Variants in ROBO2 observed in about 807,000 individuals in gnomAD.
ROBO2 encodes the protein roundabout homolog 2.
Under a neutral mutation model 160.8 loss-of-function variants are expected in ROBO2, and 53 were observed. The observed-to-expected ratio is 0.33, with a 90% confidence interval of 0.26 to 0.41. The LOEUF (loss-of-function observed/expected upper bound fraction) is 0.41. ROBO2 is among the 10% of genes least tolerant of loss of function. The pLI is 1.00. For missense variants in ROBO2, 1,577 were observed against 1,722.4 expected, an observed-to-expected ratio of 0.92 and a Z score of 1.49; for synonymous variants, 664 against 611.7, an observed-to-expected ratio of 1.09 and a Z score of -1.26.
chr3:77,410,368 A>G, intron 2 of ROBO2, among the ~76,000 whole-genome samples: 1 of 152,088 alleles, frequency 6.6e-6, no homozygotes, highest in East Asian at 1.9e-4. Flanking sequence ...ATCTATAGCT[A>G]ATTTTCTTCG....
chr3:77,625,598 G>C (rs1390572280), intron 23 of ROBO2, among the ~76,000 whole-genome samples: 1 of 152,082 alleles, frequency 6.6e-6, no homozygotes, highest in African/African-American at 2.4e-5. Flanking sequence ...AGAGGGTCTT[G>C]ATCTCTTGAC....
At chr3:77,036,873 T>C (rs1251517363), upstream of ROBO2, among the ~76,000 whole-genome samples, 1 of 151,978 alleles carries the variant, frequency 6.6e-6, no homozygotes, top group Admixed American at 6.5e-5. Context: ...ATTTTTTTTT[T>C]TTTTTGCTAA....
intron 2 of ROBO2, among the ~76,000 whole-genome samples, chr3:76,765,456 C>G (rs1398230753): frequency 1.3e-5 from 2 of 151,554 alleles, no homozygotes; most frequent in Non-Finnish European, 3.0e-5. Context: ...GATGTCTCCT[C>G]CCATTGAATC....
intron 2 of ROBO2, among the ~76,000 whole-genome samples, chr3:76,451,265 G>C (rs941916780): frequency 6.6e-6 from 1 of 152,172 alleles, no homozygotes; most frequent in Non-Finnish European, 1.5e-5. Flanking sequence ...ATTGGTAAAT[G>C]CTAGCAATGC....
At chr3:77,050,749 C>T (rs1055938613) in intron 1 of ROBO2, among the ~76,000 whole-genome samples, 1 of 150,714 alleles carries the variant, frequency 6.6e-6, no homozygotes, top group African/African-American at 2.4e-5. Context: ...CAGCGTGGCT[C>T]ATGCCTGTAA....
intron 2 of ROBO2, among the ~76,000 whole-genome samples, chr3:76,129,536 T>A (rs2071140350): frequency 6.6e-6 from 1 of 152,138 alleles, no homozygotes; most frequent in Non-Finnish European, 1.5e-5. Context: ...CATATGTAAC[T>A]CTACACTTAG....
chr3:76,056,190 C>T (rs1024397946), intron 2 of ROBO2, among the ~76,000 whole-genome samples: 9 of 151,998 alleles, frequency 5.9e-5, no homozygotes, highest in African/African-American at 1.2e-4. Flanking sequence ...TTAAAGTATA[C>T]GGGAGGATGC....
At chr3:76,937,024 T>C (rs1295512365) in intron 2 of ROBO2, among the ~76,000 whole-genome samples, 1 of 119,080 alleles carries the variant, frequency 8.4e-6, no homozygotes, top group African/African-American at 3.2e-5. Context: ...GTACTCATTA[T>C]TGACCTACCC....
Position 77,083,495 on chromosome 3 carries a change from C to T in ROBO2, c.62-14519C>T, listed in dbSNP as rs566384692. On this transcript the variant is annotated intron_variant, in intron 1 of 25. Transcript: ENST00000461745. ...AGCAATCACTAACTGTTCCAAAATC[C>T]GTTTGCATTTTTTCTAGGAATGGAG... Among the ~76,000 whole-genome samples the T allele has an allele frequency of 3.9e-5, 6 of 152,104 alleles. No homozygotes were observed. The South Asian group carries it at 6.2e-4, about 16-fold the overall frequency.
chr3:75,979,346 T>C (rs966836767), intron 2 of ROBO2, among the ~76,000 whole-genome samples: 3 of 151,572 alleles, frequency 2.0e-5, no homozygotes, highest in African/African-American at 7.3e-5. Context: ...CTTGCTTATT[T>C]AATTGTATAC....
intron 12 of ROBO2, among the ~76,000 whole-genome samples, chr3:77,567,764 T>C (rs1343139704): frequency 6.6e-6 from 1 of 152,064 alleles, no homozygotes; most frequent in Non-Finnish European, 1.5e-5. Flanking sequence ...CTATTTACCT[T>C]TAATGACAGA....
At position 76,530,234 on chromosome 3, in the gene ROBO2, C is replaced by T. The variant is rs1205574104; in HGVS notation, c.110-567780C>T. Among the ~76,000 whole-genome samples, 5 of 152,280 alleles carry T rather than the reference C, an allele frequency of 3.3e-5. No homozygotes were observed. In the East Asian group the frequency reaches 5.8e-4, roughly 18 times the overall value. Reference sequence around the variant, plus strand: ...TTCTTTAAAGATGTAGGATTTCTTACAAAGTAATTTCCCCCTGGACTCCCA... The same window carrying T: ...TTCTTTAAAGATGTAGGATTTCTTATAAAGTAATTTCCCCCTGGACTCCCA... On this transcript the variant is annotated intron_variant, in intron 2 of 26. Coordinates refer to the ROBO2 transcript ENST00000487694.
rs79639953 is a variant in ROBO2 at position 76,423,022 on chromosome 3, A to G, written c.109+485420A>G. On this transcript the variant is annotated intron_variant, in intron 2 of 26. Coordinates refer to the ROBO2 transcript ENST00000487694. ...GGTAAGAGTCTTGCCCATATAGGAGAGGAGTTTGTCCTTTGAAAGGGGCCC... is the reference window on the plus strand; with the variant it reads ...GGTAAGAGTCTTGCCCATATAGGAGGGGAGTTTGTCCTTTGAAAGGGGCCC... Among the ~76,000 whole-genome samples, 365 of 152,222 alleles carry G rather than the reference A, an allele frequency of 2.4e-3. 2 individuals are homozygous for G. The highest frequency in any genetic ancestry group is 8.4e-3 in the African/African-American group (348 of 41,520).
chr3:77,314,186 C>G (rs2063776584), intron 2 of ROBO2, among the ~76,000 whole-genome samples: 1 of 152,132 alleles, frequency 6.6e-6, no homozygotes, highest in African/African-American at 2.4e-5. Context: ...AGTCAGAAGG[C>G]AATCTAGCTA....
intron 2 of ROBO2, among the ~76,000 whole-genome samples, chr3:77,323,914 G>A (rs1004168968): frequency 6.6e-6 from 1 of 152,114 alleles, no homozygotes; most frequent in African/African-American, 2.4e-5. Context: ...GTTTTTCTGA[G>A]TACTTTTTTT....
chr3:77,211,269 A>T (rs1183226583), intron 2 of ROBO2, among the ~76,000 whole-genome samples: 1 of 152,126 alleles, frequency 6.6e-6, no homozygotes, highest in East Asian at 1.9e-4. Context: ...TGACTTTTTA[A>T]TGATCACCAT....
At chr3:76,835,215 G>T (rs370430253) in intron 2 of ROBO2, among the ~76,000 whole-genome samples, 1 of 151,328 alleles carries the variant, frequency 6.6e-6, no homozygotes, top group African/African-American at 2.4e-5. Flanking sequence ...AATTTTTATC[G>T]TGAAAAATCT....
chr3:75,983,557 C>T lies in ROBO2; in HGVS notation c.109+45955C>T, dbSNP rs912946115. On this transcript the variant is annotated intron_variant, in intron 2 of 26. Coordinates refer to the ROBO2 transcript ENST00000487694. ...TGATTTGATGGTATCTAACATTTGA[C>T]GTTGTGTTCTAAAAAACTGAATTGT... Among the ~76,000 whole-genome samples the T allele has an allele frequency of 9.9e-5, 15 of 151,464 alleles. No individual in the cohort carries two copies. In the South Asian group the frequency reaches 2.1e-3, roughly 21 times the overall value.
At chr3:76,052,112 A>T (rs149287301) in intron 2 of ROBO2, among the ~76,000 whole-genome samples, 2 of 152,084 alleles carry the variant, frequency 1.3e-5, no homozygotes, top group Admixed American at 6.5e-5. Context: ...TTAAAAACCT[A>T]TGTGTGAACA....
Sources: gnomAD v4.1 joint callset for allele counts (sites outside exome capture counted in the v4.1 genomes callset) on GRCh38, gnomAD v4.1.1 for gene constraint, MANE v1.5 for transcripts, NCBI Gene and HGNC (gene_info 2026-07-23, HGNC 2026-07-21) for gene names.